IPP: variants seen among roughly 807,000 people sequenced by gnomAD.
IPP encodes the protein intracisternal A particle-promoted polypeptide.
A neutral mutation model predicts 64.1 loss-of-function variants in IPP; 41 were observed. The observed-to-expected ratio is 0.64, with a 90% CI of 0.50 to 0.83. IPP has a LOEUF of 0.83. Ranked by LOEUF, IPP falls within the 40% of genes least tolerant of loss-of-function variation. The pLI is 0.00. For missense variants in IPP, 649 were observed against 703.0 expected, an observed-to-expected ratio of 0.92 and a Z score of 0.87; for synonymous variants, 214 against 235.2, an observed-to-expected ratio of 0.91 and a Z score of 0.83.
chr1:45,717,501 A>T (rs966003550), intron 6 of IPP, among the ~76,000 whole-genome samples: 1 of 143,786 alleles, frequency 7.0e-6, no homozygotes, highest in Admixed American at 7.2e-5. Context: ...TTTTCTTAAC[A>T]CTCTCCAATT....
chr1:45,712,868 A>G (rs1049350985), intron 8 of IPP, among the ~76,000 whole-genome samples: 11 of 139,522 alleles, frequency 7.9e-5, no homozygotes, highest in African/African-American at 2.8e-4. Flanking sequence ...AAAAAAAGAA[A>G]AAAAAAAAAA....
chr1:45,740,772 GA>G (rs767026897), intron 3 of IPP, 128 bp downstream of exon 3: 19 of 563,330 alleles, frequency 3.4e-5, no homozygotes, highest in Non-Finnish European at 5.1e-5. Context: ...TTTAAAAAAA[GA>G]AAAAAAAAGA....
At chr1:45,744,204 T>A (rs560823759) in intron 2 of IPP, among the ~76,000 whole-genome samples, 1 of 152,158 alleles carries the variant, frequency 6.6e-6, no homozygotes, top group South Asian at 2.1e-4. Flanking sequence ...CAGGCTGGAG[T>A]GCAGTAGCAT....
chr1:45,747,854 A>AAAAAAC (rs1646160468), intron 1 of IPP, among the ~76,000 whole-genome samples: 2 of 149,066 alleles, frequency 1.3e-5, no homozygotes, highest in Admixed American at 6.7e-5. Context: ...AAAAAAAAAA[A>AAAAAAC]AAAAAAAAAA....
intron 8 of IPP, among the ~76,000 whole-genome samples, chr1:45,702,520 T>A (rs1256291752): frequency 6.6e-6 from 1 of 152,200 alleles, no homozygotes; most frequent in Non-Finnish European, 1.5e-5. Flanking sequence ...AGTGACATGA[T>A]CTTGGCTCAC....
chr1:45,716,781 A>G (rs1389779581), intron 7 of IPP, 114 bp downstream of exon 7: 4 of 783,438 alleles, frequency 5.1e-6, no homozygotes, highest in Non-Finnish European at 8.2e-6. Context: ...TGCTGCTAGT[A>G]TCAGTCATTC....
chr1:45,696,563 C>T (rs1344890020), downstream of IPP, among the ~76,000 whole-genome samples: 2 of 152,160 alleles, frequency 1.3e-5, no homozygotes, highest in African/African-American at 2.4e-5. Context: ...GGCAGATCAC[C>T]TGAGGTCGGG....
chr1:45,743,444 G>A (rs1039363356), intron 2 of IPP, among the ~76,000 whole-genome samples: 3 of 151,904 alleles, frequency 2.0e-5, no homozygotes, highest in Non-Finnish European at 2.9e-5. Context: ...AGGTGTGGTA[G>A]CATGTGCGCC....
Position 45,699,142 on chromosome 1 carries a change from CAAAA to C in IPP, c.*820_*823del, listed in dbSNP as rs1645416244. On this transcript the variant is annotated 3_prime_UTR_variant, in exon 9 of 9. Coordinates refer to ENST00000396478, the MANE Select transcript of IPP (RefSeq NM_005897.3). The stretch of plus-strand genomic sequence containing the variant: ...CTTACTTGCATTCTCAGGATCAAGA[CAAAA>C]AATATGAGCAAGCAAAAACTTATCA... 2 of 985,088 alleles carry C rather than the reference CAAAA, an allele frequency of 2.0e-6. No individual in the cohort carries two copies. Among genetic ancestry groups the C allele is most frequent in the East Asian group, 1.1e-4 (1 of 8,828 alleles). 61.0% of individuals were successfully genotyped at this position (985,088 alleles called of 1,614,324 possible). A position where few individuals can be genotyped will look rare whatever the true frequency, so the allele number is the denominator to read the frequency against.
chr1:45,719,486 T>C, intron 5 of IPP, 146 bp from the exon 6 acceptor site: 2 of 552,040 alleles, frequency 3.6e-6, no homozygotes, highest in South Asian at 3.1e-5. Context: ...TTCATTTGCC[T>C]GTCAAGCAGT....
intron 3 of IPP, among the ~76,000 whole-genome samples, chr1:45,736,992 G>C (rs572781360): frequency 7.1e-6 from 1 of 141,562 alleles, no homozygotes; most frequent in South Asian, 2.2e-4. Context: ...GCAGTGAGCC[G>C]AGATCGCGCC....
intron 5 of IPP, among the ~76,000 whole-genome samples, chr1:45,724,592 G>A (rs1401375388): frequency 1.0e-4 from 15 of 149,730 alleles, no homozygotes; most frequent in African/African-American, 2.7e-4. Context: ...CTGCCCGGCC[G>A]CCCATCGTCT....
At chr1:45,740,445 CG>C (rs1646045693) in intron 3 of IPP, among the ~76,000 whole-genome samples, 1 of 152,010 alleles carries the variant, frequency 6.6e-6, no homozygotes, top group African/African-American at 2.4e-5. Flanking sequence ...GCTGGCCGGG[CG>C]GGGGGCTGAA....
Position 45,699,313 on chromosome 1 carries a change from T to C in IPP, c.*653A>G, listed in dbSNP as rs957734791. 2.0e-6 allele frequency: 2 copies of C among 985,276 alleles called. No homozygotes were observed. The highest frequency in any genetic ancestry group is 2.4e-6 in the Non-Finnish European group (2 of 829,914). 61.0% of individuals were successfully genotyped at this position (985,276 alleles called of 1,614,324 possible). On this transcript the variant is annotated 3_prime_UTR_variant, in exon 9 of 9. Coordinates refer to ENST00000396478, the MANE Select transcript of IPP (RefSeq NM_005897.3). ...AAGTAGGAATCTATTTCATTGGCTTTCTCTGTGGCTCAAACTATGGCCATG... is the reference window on the plus strand; with the variant it reads ...AAGTAGGAATCTATTTCATTGGCTTCCTCTGTGGCTCAAACTATGGCCATG...
intron 5 of IPP, among the ~76,000 whole-genome samples, chr1:45,725,527 G>C (rs1199442639): frequency 7.4e-6 from 1 of 134,504 alleles, no homozygotes; most frequent in Non-Finnish European, 1.6e-5. Flanking sequence ...GCTTCTGCCC[G>C]GCCGCCCCTA....
chr1:45,702,320 A>C (rs1243031601), intron 8 of IPP, among the ~76,000 whole-genome samples: 1 of 152,180 alleles, frequency 6.6e-6, no homozygotes, highest in Non-Finnish European at 1.5e-5. Context: ...AAAAAAAAAA[A>C]AACTCTGTAA....
At chr1:45,728,945 G>C (rs2148570628) in intron 4 of IPP, among the ~76,000 whole-genome samples, 1 of 151,064 alleles carries the variant, frequency 6.6e-6, no homozygotes, top group South Asian at 2.1e-4. Flanking sequence ...GGCCAATATG[G>C]TGAAACCCTG....
In IPP at chr1:45,745,525, C is replaced by A. The variant is rs145432633; in HGVS notation, c.292+595G>T. The stretch of plus-strand genomic sequence containing the variant: ...TATCATAATTTATTTAGCCATAAAA[C>A]CTACTGAGACAAGATTTTATTCAAT... On this transcript the variant is annotated intron_variant, in intron 2 of 8. Coordinates refer to ENST00000396478, the MANE Select transcript of IPP (RefSeq NM_005897.3). 3.3e-5 allele frequency among the ~76,000 whole-genome samples: 5 copies of A among 152,006 alleles called. No individual in the cohort carries two copies. In the East Asian group the frequency reaches 9.7e-4, roughly 29 times the overall value.
At chr1:45,721,868 T>G (rs1344517274) in intron 5 of IPP, among the ~76,000 whole-genome samples, 1 of 151,884 alleles carries the variant, frequency 6.6e-6, no homozygotes, top group East Asian at 2.0e-4. Flanking sequence ...TAGACCAGCC[T>G]GACCAGCCTG....
Sources: gnomAD v4.1 joint callset for allele counts (sites outside exome capture counted in the v4.1 genomes callset) on GRCh38, gnomAD v4.1.1 for gene constraint, MANE v1.5 for transcripts, NCBI Gene and HGNC (gene_info 2026-07-23, HGNC 2026-07-21) for gene names.